The following MAP3K20 variants were observed in gnomAD, a reference collection of about 807,000 sequenced individuals.
MAP3K20 encodes HCCS-4.
Under a neutral mutation model 85.7 loss-of-function variants are expected in MAP3K20, and 40 were observed. That is an observed-to-expected ratio of 0.47 (90% confidence interval 0.36 to 0.61). MAP3K20 has a LOEUF of 0.61. MAP3K20 is among the 20% of genes least tolerant of loss of function. The pLI, the probability that MAP3K20 is intolerant of heterozygous loss-of-function variation, is 0.00. For missense variants in MAP3K20, 817 were observed against 961.7 expected, an observed-to-expected ratio of 0.85 and a Z score of 1.99; for synonymous variants, 325 against 327.7, an observed-to-expected ratio of 0.99 and a Z score of 0.09.
intron 4 of MAP3K20, 126 bp downstream of exon 4, chr2:173,183,081 A>G: frequency 1.4e-6 from 1 of 704,100 alleles, no homozygotes. Context: ...CAAAAGTAGT[A>G]AGAATTCCAC....
At chr2:173,190,658 A>G (rs1262232415) in intron 5 of MAP3K20, among the ~76,000 whole-genome samples, 2 of 152,216 alleles carry the variant, frequency 1.3e-5, no homozygotes, top group Non-Finnish European at 2.9e-5. Context: ...ACTGGACAGT[A>G]CTGCATTTGG....
At chr2:173,094,956 A>G (rs1331941620) in intron 2 of MAP3K20, among the ~76,000 whole-genome samples, 4 of 152,228 alleles carry the variant, frequency 2.6e-5, no homozygotes, top group South Asian at 2.1e-4. Context: ...TTTAGCATCT[A>G]TTGATGATTC....
chr2:173,091,513 G>T (rs1324501784), intron 2 of MAP3K20, among the ~76,000 whole-genome samples: 1 of 152,110 alleles, frequency 6.6e-6, no homozygotes, highest in Non-Finnish European at 1.5e-5. Context: ...TCTCTTCCCT[G>T]GGCAGCCAAG....
At chr2:173,259,039 A>T (rs1340309533) in intron 17 of MAP3K20, among the ~76,000 whole-genome samples, 1 of 152,216 alleles carries the variant, frequency 6.6e-6, no homozygotes, top group Non-Finnish European at 1.5e-5. Flanking sequence ...GCAAAAAGGT[A>T]TCGTTTAATT....
chr2:173,167,934 T>C (rs923550165), intron 2 of MAP3K20, among the ~76,000 whole-genome samples: 12 of 152,174 alleles, frequency 7.9e-5, no homozygotes, highest in African/African-American at 2.7e-4. Flanking sequence ...CAAATACTGG[T>C]TCAAACATTA....
At chr2:173,245,101 C>T (rs533243147) in intron 16 of MAP3K20, among the ~76,000 whole-genome samples, 3 of 152,154 alleles carry the variant, frequency 2.0e-5, no homozygotes, top group South Asian at 4.2e-4. Flanking sequence ...GCTACATTTT[C>T]CCTTTGCATT....
intron 16 of MAP3K20, among the ~76,000 whole-genome samples, chr2:173,243,223 G>A (rs1485444312): frequency 6.6e-6 from 1 of 152,148 alleles, no homozygotes; most frequent in African/African-American, 2.4e-5. Context: ...ATGGTTCCAC[G>A]GGAGTTCACT....
intron 2 of MAP3K20, among the ~76,000 whole-genome samples, chr2:173,135,317 AACAGTCG>A (rs1688769611): frequency 6.6e-6 from 1 of 152,212 alleles, no homozygotes; most frequent in Non-Finnish European, 1.5e-5. Context: ...GAGTTCCTGT[AACAGTCG>A]GAAGAGTAAT....
chr2:173,260,455 A>G (rs966097333), intron 17 of MAP3K20, among the ~76,000 whole-genome samples: 4 of 152,286 alleles, frequency 2.6e-5, no homozygotes, highest in Admixed American at 2.6e-4. Context: ...TTAAACCTGA[A>G]GTGAAAGGGG....
rs1686841416 is a variant in MAP3K20, at chr2:173,076,007, G to A, written c.-35+5G>A. On this transcript the variant is annotated splice_donor_5th_base_variant and intron_variant, in intron 1 of 19. Coordinates refer to ENST00000375213, the MANE Select transcript of MAP3K20 (RefSeq NM_016653.3). ...CACGCCCCGCCCGGGAGCCAGGTAGGGGTCAGGCTGGAGCCCGCGGAGGGC... is the reference window on the plus strand; with the variant it reads ...CACGCCCCGCCCGGGAGCCAGGTAGAGGTCAGGCTGGAGCCCGCGGAGGGC... The A allele has an allele frequency of 2.0e-6, 2 of 984,584 alleles. No individual in the cohort carries two copies. 61.0% of individuals were successfully genotyped at this position (984,584 alleles called of 1,614,324 possible).
At chr2:173,258,341 A>AT (rs1427577522) in intron 16 of MAP3K20, among the ~76,000 whole-genome samples, 30 of 152,280 alleles carry the variant, frequency 2.0e-4, no homozygotes, top group African/African-American at 6.7e-4. Context: ...TGTTCCTACA[A>AT]TGTTTAATAT....
intron 2 of MAP3K20, among the ~76,000 whole-genome samples, chr2:173,116,200 A>G (rs1427396265): frequency 6.6e-6 from 1 of 152,192 alleles, no homozygotes; most frequent in African/African-American, 2.4e-5. Context: ...TTCATGCTGT[A>G]CAACATGATG....
At chr2:173,168,339 C>T (rs908113824) in intron 2 of MAP3K20, among the ~76,000 whole-genome samples, 2 of 152,058 alleles carry the variant, frequency 1.3e-5, no homozygotes, top group Non-Finnish European at 2.9e-5. Context: ...ACATGTATTA[C>T]TATAAGAAAA....
intron 1 of MAP3K20, among the ~76,000 whole-genome samples, chr2:173,077,867 C>A (rs899701550): frequency 1.3e-5 from 2 of 152,162 alleles, no homozygotes; most frequent in African/African-American, 4.8e-5. Context: ...AACTAAGGGG[C>A]CTTCTTGCCA....
intron 14 of MAP3K20, among the ~76,000 whole-genome samples, 176 bp from the exon 15 acceptor site, chr2:173,238,197 A>G (rs1203658833): frequency 6.6e-6 from 1 of 152,190 alleles, no homozygotes. Context: ...AATAATTACA[A>G]ACCACCTACA....
chr2:173,203,985 T>C, intron 9 of MAP3K20, 115 bp downstream of exon 9: 1 of 921,386 alleles, frequency 1.1e-6, no homozygotes, highest in Non-Finnish European at 1.7e-6. Flanking sequence ...GGATTGATGC[T>C]CCTATGAGCC....
At chr2:173,236,485 T>G (rs1684654594) in intron 14 of MAP3K20, among the ~76,000 whole-genome samples, 1 of 152,238 alleles carries the variant, frequency 6.6e-6, no homozygotes, top group Non-Finnish European at 1.5e-5. Flanking sequence ...AGGAGTAGCC[T>G]GCATCTGTTG....
intron 3 of MAP3K20, among the ~76,000 whole-genome samples, chr2:173,177,179 T>C (rs1690186113): frequency 3.3e-5 from 5 of 152,188 alleles, no homozygotes; most frequent in Admixed American, 3.3e-4. Flanking sequence ...AAGAACACTC[T>C]CAGCCAACTC....
chr2:173,243,496 C>T (rs1559296609), intron 16 of MAP3K20, among the ~76,000 whole-genome samples: 1 of 152,180 alleles, frequency 6.6e-6, no homozygotes, highest in East Asian at 1.9e-4. Context: ...TACCTTGGAA[C>T]AGGGGGATGC....
Sources: allele counts gnomAD v4.1 joint callset (sites outside exome capture counted in the v4.1 genomes callset), GRCh38; gene constraint gnomAD v4.1.1; transcripts MANE v1.5; gene names NCBI Gene and HGNC (gene_info 2026-07-23, HGNC 2026-07-21).